The following NCALD variants were observed in gnomAD, a reference collection of about 807,000 sequenced individuals.
NCALD encodes the protein neurocalcin-delta.
In NCALD, 10 loss-of-function variants were observed where a neutral mutation model predicts 18.6. The observed-to-expected ratio is 0.54, with a 90% CI of 0.33 to 0.91. The LOEUF (loss-of-function observed/expected upper bound fraction) is 0.91, where lower values mean the gene tolerates loss of function less well. Among genes scored for constraint, NCALD ranks in the 40% least tolerant of loss-of-function variants. The pLI, the probability that NCALD is intolerant of heterozygous loss-of-function variation, is 0.03. For synonymous variants in NCALD, 88 were observed against 87.4 expected (o/e 1.01, Z -0.04); for missense variants, 184 against 247.6 (o/e 0.74, Z 1.72).
At chr8:101,886,421 C>G (rs10505015) in intron 4 of NCALD, among the ~76,000 whole-genome samples, 7,207 of 152,220 alleles carry the variant, frequency 0.047, 371 homozygotes, top group African/African-American at 0.13. Context: ...TTTTTCCAAA[C>G]AGGCACAAAA....
intron 2 of NCALD, among the ~76,000 whole-genome samples, chr8:101,983,231 C>G (rs1820687948): frequency 6.6e-6 from 1 of 152,136 alleles, no homozygotes; most frequent in African/African-American, 2.4e-5. Flanking sequence ...AATTGATGGG[C>G]ATGTTTTCTC....
chr8:101,943,929 A>G (rs1331657729), intron 2 of NCALD, among the ~76,000 whole-genome samples: 1 of 151,632 alleles, frequency 6.6e-6, no homozygotes, highest in African/African-American at 2.4e-5. Context: ...CAACAGAGGG[A>G]GTCTGTGTCT....
In NCALD at chr8:101,751,603, G is replaced by A. The variant is rs139589669; in HGVS notation, c.-19-31955C>T. On this transcript the variant is annotated intron_variant, in intron 1 of 3. Coordinates refer to ENST00000220931, the MANE Select transcript of NCALD (RefSeq NM_032041.3). ...GGGATAACATCTCCATGAAAGGGGA[G>A]GGCCCAGAATTCTACCCTGGCTTCC... Among the ~76,000 whole-genome samples the A allele has an allele frequency of 2.5e-3, 379 of 152,254 alleles. 2 individuals carry two copies. The highest frequency in any genetic ancestry group is 8.8e-3 in the African/African-American group (366 of 41,556).
At chr8:101,982,001 G>A (rs1166233970) in intron 2 of NCALD, among the ~76,000 whole-genome samples, 2 of 152,184 alleles carry the variant, frequency 1.3e-5, no homozygotes, top group East Asian at 1.9e-4. Context: ...CTGAGTTCAC[G>A]TGAGATCTGA....
chr8:101,721,618 G>T (rs1461487504), intron 1 of NCALD, among the ~76,000 whole-genome samples: 2 of 152,076 alleles, frequency 1.3e-5, no homozygotes, highest in South Asian at 2.1e-4. Context: ...CTTCTACGGG[G>T]TGGTGTTTGT....
intron 1 of NCALD, among the ~76,000 whole-genome samples, chr8:101,758,195 G>A (rs923110845): frequency 1.2e-4 from 18 of 152,180 alleles, no homozygotes; most frequent in African/African-American, 4.1e-4. Flanking sequence ...TACTACAAAT[G>A]GCTTTGTAAT....
chr8:101,718,416 T>C (rs1416560578), intron 2 of NCALD, among the ~76,000 whole-genome samples: 5 of 152,158 alleles, frequency 3.3e-5, no homozygotes, highest in African/African-American at 1.2e-4. Context: ...TCTCTGTCTC[T>C]TTCACAAACT....
At chr8:101,933,552 T>C (rs1476167192) in intron 2 of NCALD, among the ~76,000 whole-genome samples, 1 of 152,282 alleles carries the variant, frequency 6.6e-6, no homozygotes, top group East Asian at 1.9e-4. Context: ...GCCTCTAAGT[T>C]TGTGGTGATT....
At chr8:101,776,350 A>C (rs2130925296) in intron 1 of NCALD, among the ~76,000 whole-genome samples, 1 of 152,246 alleles carries the variant, frequency 6.6e-6, no homozygotes, top group Middle Eastern at 3.4e-3. Flanking sequence ...TCACTGACAA[A>C]CACTTATCAG....
upstream of NCALD, among the ~76,000 whole-genome samples, chr8:101,792,450 C>T (rs1021009036): frequency 6.6e-6 from 1 of 152,154 alleles, no homozygotes; most frequent in African/African-American, 2.4e-5. Flanking sequence ...TTTCCTGATG[C>T]GATTAGCTGT....
At chr8:101,759,065 G>A (rs184943455) in intron 1 of NCALD, among the ~76,000 whole-genome samples, 5 of 152,190 alleles carry the variant, frequency 3.3e-5, no homozygotes, top group African/African-American at 1.2e-4. Context: ...TGTGATATTC[G>A]TGACAACCAT....
chr8:102,051,593 T>C (rs1823461726), intron 1 of NCALD, among the ~76,000 whole-genome samples: 1 of 152,260 alleles, frequency 6.6e-6, no homozygotes, highest in African/African-American at 2.4e-5. Context: ...AAAAGGTGAA[T>C]GAATGAATCT....
At chr8:101,767,195 A>C (rs1333150738) in intron 1 of NCALD, among the ~76,000 whole-genome samples, 1 of 152,218 alleles carries the variant, frequency 6.6e-6, no homozygotes, top group Non-Finnish European at 1.5e-5. Context: ...GGTTATCTGT[A>C]AAGTCAAAAT....
chr8:102,059,836 G>C (rs1563582413), intron 1 of NCALD, among the ~76,000 whole-genome samples: 1 of 152,162 alleles, frequency 6.6e-6, no homozygotes, highest in Non-Finnish European at 1.5e-5. Context: ...TAAAGATAGG[G>C]CTGTGGTTCT....
chr8:102,108,928 C>T (rs1202110384), intron 1 of NCALD, among the ~76,000 whole-genome samples: 1 of 152,160 alleles, frequency 6.6e-6, no homozygotes, highest in Non-Finnish European at 1.5e-5. Context: ...GATTGGAAAG[C>T]AGGAATAACC....
chr8:101,921,461 A>G (rs1818163906), intron 2 of NCALD, among the ~76,000 whole-genome samples: 1 of 152,136 alleles, frequency 6.6e-6, no homozygotes, highest in African/African-American at 2.4e-5. Context: ...CGTAACTACC[A>G]ATTTCTGTAT....
chr8:102,102,052 T>C (rs1011126974), intron 1 of NCALD, among the ~76,000 whole-genome samples: 4 of 149,844 alleles, frequency 2.7e-5, no homozygotes, highest in African/African-American at 7.3e-5. Context: ...AAATAATCAA[T>C]TTTATTTGTA....
chr8:101,901,539 A>G (rs1817422113), intron 3 of NCALD, among the ~76,000 whole-genome samples: 1 of 151,796 alleles, frequency 6.6e-6, no homozygotes, highest in African/African-American at 2.4e-5. Context: ...CACTTTTTCA[A>G]TGGTTGCTCT....
chr8:102,033,133 C>A (rs1822738863), intron 1 of NCALD, among the ~76,000 whole-genome samples: 1 of 152,056 alleles, frequency 6.6e-6, no homozygotes, highest in South Asian at 2.1e-4. Context: ...TTGTGGCACC[C>A]CTCAAGACAT....
Sources: gnomAD v4.1 joint callset for allele counts (sites outside exome capture counted in the v4.1 genomes callset) on GRCh38, gnomAD v4.1.1 for gene constraint, MANE v1.5 for transcripts, NCBI Gene and HGNC (gene_info 2026-07-23, HGNC 2026-07-21) for gene names.